The following MCC variants were observed in gnomAD, a reference collection of about 807,000 sequenced individuals.
MCC encodes MCC regulator of Wnt signaling pathway, also known as colorectal mutant cancer protein.
In MCC, 90 loss-of-function variants were observed where a neutral mutation model predicts 116.2. The ratio of observed to expected loss-of-function variants is 0.77; its 90% CI spans 0.65 to 0.92. The LOEUF (loss-of-function observed/expected upper bound fraction) is 0.92, where lower values mean the gene tolerates loss of function less well. MCC is among the 40% of genes least tolerant of loss of function. MCC has a pLI of 0.00. For synonymous variants in MCC, 578 were observed against 510.5 expected (o/e 1.13, Z -1.78); for missense variants, 1,516 against 1,312.2 (o/e 1.16, Z -2.40).
intron 1 of MCC, among the ~76,000 whole-genome samples, chr5:113,413,749 G>GT (rs1027531635): frequency 1.3e-5 from 2 of 152,122 alleles, no homozygotes; most frequent in African/African-American, 2.4e-5. Context: ...TTTTTGAAGG[G>GT]TTTTTTTGTG....
intron 6 of MCC, among the ~76,000 whole-genome samples, chr5:113,119,642 C>T (rs181125818): frequency 6.6e-6 from 1 of 152,222 alleles, no homozygotes; most frequent in Non-Finnish European, 1.5e-5. Flanking sequence ...GACCTGACAG[C>T]AGATTCTGTC....
chr5:113,067,216 C>A (rs1315003688), intron 13 of MCC, among the ~76,000 whole-genome samples: 2 of 152,156 alleles, frequency 1.3e-5, no homozygotes, highest in African/African-American at 4.8e-5. Context: ...GGCACAGGAT[C>A]CCCGGGCTGG....
chr5:113,296,875 AC>A (rs1463842743), intron 3 of MCC, among the ~76,000 whole-genome samples: 1 of 152,206 alleles, frequency 6.6e-6, no homozygotes, highest in East Asian at 1.9e-4. Context: ...ATACGACTCT[AC>A]CCCTAAAACC....
rs574507698 is a variant in MCC at position 113,156,777 on chromosome 5, A to G, written c.628-5355T>C. 8.5e-5 allele frequency among the ~76,000 whole-genome samples: 13 copies of G among 152,330 alleles called. No homozygotes were observed. In the South Asian group the frequency reaches 2.7e-3, roughly 32 times the overall value. The stretch of plus-strand genomic sequence containing the variant: ...TAGGCTGTTTTGAGCCCTGCTTCAC[A>G]TTCATTTTACAGTGTGTATCCAAAC... On this transcript the variant is annotated intron_variant, in intron 3 of 18. Coordinates refer to ENST00000408903, the MANE Select transcript of MCC (RefSeq NM_001085377.2).
chr5:113,296,674 A>G (rs890721305), intron 3 of MCC, among the ~76,000 whole-genome samples: 2 of 152,180 alleles, frequency 1.3e-5, no homozygotes, highest in African/African-American at 4.8e-5. Flanking sequence ...TTTAAGTGCC[A>G]TGTTAAAAAA....
intron 3 of MCC, among the ~76,000 whole-genome samples, chr5:113,190,432 C>T (rs1168702540): frequency 6.6e-6 from 1 of 152,052 alleles, no homozygotes; most frequent in African/African-American, 2.4e-5. Context: ...TAAGGATTCT[C>T]CAAGTGTTAG....
At chr5:113,435,192 A>G in intron 1 of MCC, 1 of 246,230 alleles carries the variant, frequency 4.1e-6, no homozygotes, top group Non-Finnish European at 8.0e-6. Context: ...TGTGGGACAC[A>G]TGGGCCTGCC....
intron 3 of MCC, among the ~76,000 whole-genome samples, chr5:113,196,459 C>T (rs1287047283): frequency 6.6e-6 from 1 of 152,118 alleles, no homozygotes; most frequent in South Asian, 2.1e-4. Context: ...AATATGGGCC[C>T]CATGTTGCTA....
chr5:113,140,599 T>C (rs149268668), intron 5 of MCC, among the ~76,000 whole-genome samples: 11 of 152,348 alleles, frequency 7.2e-5, no homozygotes, highest in African/African-American at 2.2e-4. Context: ...GATTGTGACC[T>C]GAGATAGAAA....
intron 6 of MCC, among the ~76,000 whole-genome samples, chr5:113,109,287 G>T (rs1561358861): frequency 6.6e-6 from 1 of 152,074 alleles, no homozygotes; most frequent in African/African-American, 2.4e-5. Context: ...ACAGATGAAG[G>T]AACAAAATGT....
At chr5:113,464,365 T>G (rs890749772) in intron 1 of MCC, among the ~76,000 whole-genome samples, 1 of 152,236 alleles carries the variant, frequency 6.6e-6, no homozygotes, top group Admixed American at 6.5e-5. Flanking sequence ...ATTCTTTGAA[T>G]GCACCAGCTT....
At chr5:113,318,368 C>T (rs1370401101) in intron 3 of MCC, among the ~76,000 whole-genome samples, 1 of 152,152 alleles carries the variant, frequency 6.6e-6, no homozygotes, top group African/African-American at 2.4e-5. Flanking sequence ...CATATATCAC[C>T]TTTACAACTT....
intron 1 of MCC, among the ~76,000 whole-genome samples, chr5:113,392,900 G>T (rs975750306): frequency 7.2e-5 from 11 of 152,068 alleles, no homozygotes; most frequent in African/African-American, 2.4e-4. Context: ...ATCACATAAT[G>T]AAATACAATA....
intron 3 of MCC, among the ~76,000 whole-genome samples, chr5:113,317,229 C>T (rs905676452): frequency 6.6e-5 from 10 of 152,190 alleles, no homozygotes; most frequent in African/African-American, 9.7e-5. Context: ...GCCTGACACA[C>T]TTTAGCATAT....
intron 5 of MCC, among the ~76,000 whole-genome samples, chr5:113,131,056 G>A (rs1758397268): frequency 6.7e-6 from 1 of 150,162 alleles, no homozygotes; most frequent in African/African-American, 2.4e-5. Flanking sequence ...ATAGCAAGAG[G>A]GTTTTGGTAA....
chr5:113,053,790 G>A lies in MCC; in HGVS notation c.2383C>T (p.Arg795Trp), dbSNP rs778884604. The A allele has an allele frequency of 2.1e-5, 34 of 1,613,892 alleles. No homozygotes were observed. Among genetic ancestry groups the A allele is most frequent in the East Asian group, 8.9e-5 (4 of 44,892 alleles). The change falls in exon 15 of 19, where the codon CGG (arginine) becomes TGG (tryptophan). Residue 795 changes from arginine to tryptophan, a missense_variant. Transcript: ENST00000408903. The part of the protein sequence containing the change: ...IDPLSYDVKP[R>W]GDSQRLDLEN... ...AGATCCAGCCTCTGGCTGTCTCCCC[G>A]AGGCTTGACGTCATAGCTGAGAGGA...
chr5:113,458,277 T>A (rs913527628), intron 1 of MCC, among the ~76,000 whole-genome samples: 1 of 152,080 alleles, frequency 6.6e-6, no homozygotes, highest in African/African-American at 2.4e-5. Flanking sequence ...GCTTCACTCC[T>A]GAAGCCAGCG....
intron 3 of MCC, among the ~76,000 whole-genome samples, chr5:113,339,795 T>C (rs938773856): frequency 4.6e-5 from 7 of 152,264 alleles, no homozygotes; most frequent in Non-Finnish European, 1.0e-4. Flanking sequence ...TAAATATGCA[T>C]AAGTCAAGGT....
At chr5:113,041,304 C>A (rs137999900) in intron 17 of MCC, among the ~76,000 whole-genome samples, 1 of 152,180 alleles carries the variant, frequency 6.6e-6, no homozygotes, top group African/African-American at 2.4e-5. Flanking sequence ...TCCCCTCCAA[C>A]CCTAAATCCC....
Sources: allele counts gnomAD v4.1 joint callset (sites outside exome capture counted in the v4.1 genomes callset), GRCh38; gene constraint gnomAD v4.1.1; transcripts MANE v1.5; gene names NCBI Gene and HGNC (gene_info 2026-07-23, HGNC 2026-07-21).